The following PDXDC1 variants were observed in gnomAD, a reference collection of about 807,000 sequenced individuals.
PDXDC1 encodes pyridoxal dependent decarboxylase domain containing 1.
PDXDC1 carries 42 observed loss-of-function variants against 100.1 expected under a neutral mutation model. The observed-to-expected ratio is 0.42, with a 90% CI of 0.33 to 0.54. The LOEUF is 0.54. Ranked by LOEUF, PDXDC1 falls within the 20% of genes least tolerant of loss-of-function variation. PDXDC1 has a pLI of 0.10. For synonymous variants in PDXDC1, 260 were observed against 371.7 expected (o/e 0.70, Z 3.46); for missense variants, 636 against 979.2 (o/e 0.65, Z 4.68).
intron 22 of PDXDC1, 140 bp from the exon 23 acceptor site, chr16:15,035,876 C>G (rs922825757): frequency 3.3e-6 from 3 of 911,118 alleles, no homozygotes; most frequent in Admixed American, 4.7e-5. Flanking sequence ...GTTTTCTCAT[C>G]TCCTAAAACA....
At chr16:15,009,544 A>C in intron 7 of PDXDC1, 137 bp from the exon 8 acceptor site, 2 of 1,278,274 alleles carry the variant, frequency 1.6e-6, no homozygotes, top group Non-Finnish European at 2.1e-6. Context: ...ATGAGAGAAA[A>C]CAGAAAAATT....
downstream of PDXDC1, among the ~76,000 whole-genome samples, chr16:15,143,805 G>A (rs1598297052): frequency 6.6e-6 from 1 of 152,348 alleles, no homozygotes; most frequent in East Asian, 1.9e-4. Flanking sequence ...CACACTCAGA[G>A]CTGAGTGCCC....
chr16:14,976,406 C>T (rs1369085524), intron 1 of PDXDC1, among the ~76,000 whole-genome samples: 1 of 152,268 alleles, frequency 6.6e-6, no homozygotes, highest in Admixed American at 6.5e-5. Flanking sequence ...AAGGTTGGGC[C>T]AGATGTCTTC....
intron 13 of PDXDC1, 142 bp downstream of exon 13, chr16:15,022,896 A>C (rs2042314888): frequency 2.7e-6 from 2 of 752,756 alleles, no homozygotes; most frequent in African/African-American, 3.6e-5. Context: ...AAAACAAAAA[A>C]ACGAAACAAA....
intron 16 of PDXDC1, chr16:15,136,200 G>A (rs1417308278): frequency 3.0e-5 from 21 of 707,392 alleles, no homozygotes; most frequent in East Asian, 2.2e-4. Flanking sequence ...ACAGCAGCCC[G>A]CTGGGAGCCC....
At chr16:15,088,246 G>T (rs554273688) in intron 16 of PDXDC1, among the ~76,000 whole-genome samples, 5 of 152,216 alleles carry the variant, frequency 3.3e-5, no homozygotes, top group Non-Finnish European at 7.3e-5. Context: ...GGCCAAGGCA[G>T]GAGGAGACTG....
At chr16:15,149,991 A>G in the PDXDC1 span, among the ~76,000 whole-genome samples, 1 of 152,044 alleles carries the variant, frequency 6.6e-6, no homozygotes, top group Non-Finnish European at 1.5e-5. Flanking sequence ...AGGCTGCAGG[A>G]GCCAGTTTCT....
At chr16:15,093,201 C>T (rs1218256674) in intron 16 of PDXDC1, among the ~76,000 whole-genome samples, 2 of 152,116 alleles carry the variant, frequency 1.3e-5, no homozygotes, top group Admixed American at 6.6e-5. Flanking sequence ...GACGAGGTTT[C>T]GCACGTTGGC....
At position 15,106,537 on chromosome 16, in the gene PDXDC1, C is replaced by CT. The variant is rs543604086; in HGVS notation, c.1400-32342_1400-32341insT. 3.3e-4 allele frequency among the ~76,000 whole-genome samples: 50 copies of CT among 150,218 alleles called. 1 individual carries two copies. Among genetic ancestry groups the CT allele is most frequent in the Middle Eastern group, 3.4e-3 (1 of 294 alleles). The stretch of plus-strand genomic sequence containing the variant: ...CTGGGAGGGCGAGGTGGATGGATCA[C>CT]GAGGTCAGGAGATTGAGACCATCCT... On this transcript the variant is annotated intron_variant, in intron 16 of 16. Transcript: ENST00000535621.
chr16:15,016,009 T>C, intron 8 of PDXDC1, 120 bp from the exon 9 acceptor site: 2 of 1,498,860 alleles, frequency 1.3e-6, no homozygotes. Context: ...AAAATCTCAA[T>C]AAAATAGGGA....
chr16:15,081,774 T>C (rs1323653697), intron 16 of PDXDC1, among the ~76,000 whole-genome samples: 1 of 152,218 alleles, frequency 6.6e-6, no homozygotes, highest in African/African-American at 2.4e-5. Context: ...AATGTACTCG[T>C]TTTCTTCTCA....
chr16:15,080,466 GCTCT>G (rs905429434), intron 16 of PDXDC1, among the ~76,000 whole-genome samples: 4 of 151,940 alleles, frequency 2.6e-5, no homozygotes, highest in African/African-American at 9.7e-5. Context: ...ACAGGGTCTT[GCTCT>G]CTCTCTCAGG....
At chr16:15,136,338 G>A (rs989913266) in intron 16 of PDXDC1, among the ~76,000 whole-genome samples, 7 of 152,272 alleles carry the variant, frequency 4.6e-5, no homozygotes, top group African/African-American at 1.7e-4. Context: ...CCCCGCGCAG[G>A]CCACCTCCCG....
intron 16 of PDXDC1, among the ~76,000 whole-genome samples, chr16:15,089,706 A>C (rs1035064567): frequency 7.1e-6 from 1 of 140,152 alleles, no homozygotes; most frequent in African/African-American, 2.6e-5. Flanking sequence ...AGGCTGAGGC[A>C]GGAGAATCGC....
At position 15,133,840 on chromosome 16, in the gene PDXDC1, C is replaced by T. The variant is rs879119139; in HGVS notation, c.1400-5039C>T. The T allele has an allele frequency of 1.3e-5, 20 of 1,578,002 alleles. No homozygotes were observed. The South Asian group carries it at 2.2e-4, about 17-fold the overall frequency. On this transcript the variant is annotated intron_variant, in intron 16 of 16. Transcript: ENST00000535621. ...TTGGTGGTGAGGGCGTGCACAGCGC[C>T]CAGTGGGAAGAGGCGGCAAGAGCCC...
intron 16 of PDXDC1, among the ~76,000 whole-genome samples, chr16:15,054,237 G>C (rs963532925): frequency 6.6e-6 from 1 of 152,186 alleles, no homozygotes; most frequent in African/African-American, 2.4e-5. Context: ...GCAAATCAAA[G>C]TGATCGCCCC....
At chr16:15,074,388 G>A (rs181029914) in intron 16 of PDXDC1, among the ~76,000 whole-genome samples, 33 of 152,188 alleles carry the variant, frequency 2.2e-4, no homozygotes, top group African/African-American at 6.0e-4. Context: ...AATACATAAC[G>A]GAGCACCATA....
intron 14 of PDXDC1, among the ~76,000 whole-genome samples, chr16:15,028,465 T>C (rs2042794361): frequency 6.6e-6 from 1 of 152,304 alleles, no homozygotes; most frequent in Non-Finnish European, 1.5e-5. Flanking sequence ...AGCTCCAAGA[T>C]GACAGAAACC....
chr16:15,042,481 C>T (rs929588103), downstream of PDXDC1, among the ~76,000 whole-genome samples: 17 of 152,220 alleles, frequency 1.1e-4, no homozygotes, highest in African/African-American at 4.1e-4. Flanking sequence ...TGAGCCACTG[C>T]GCCCAGTCGA....
Sources: allele counts gnomAD v4.1 joint callset (sites outside exome capture counted in the v4.1 genomes callset), GRCh38; gene constraint gnomAD v4.1.1; transcripts MANE v1.5; gene names NCBI Gene and HGNC (gene_info 2026-07-23, HGNC 2026-07-21).